TBC1D19: variants seen among roughly 807,000 people sequenced by gnomAD.
TBC1D19 encodes the protein TBC1 domain family member 19.
A neutral mutation model predicts 89.0 loss-of-function variants in TBC1D19; 60 were observed. That is an observed-to-expected ratio of 0.67 (90% CI 0.55 to 0.84). TBC1D19 has a LOEUF of 0.84. Ranked by LOEUF, TBC1D19 falls within the 40% of genes least tolerant of loss-of-function variation. TBC1D19 has a pLI of 0.00. For synonymous variants in TBC1D19, 189 were observed against 199.7 expected (o/e 0.95, Z 0.45); for missense variants, 500 against 610.8 (o/e 0.82, Z 1.91).
chr4:26,661,702 A>T (rs1745230517), intron 8 of TBC1D19, among the ~76,000 whole-genome samples: 1 of 152,216 alleles, frequency 6.6e-6, no homozygotes, highest in African/African-American at 2.4e-5. Context: ...AATAGACGAT[A>T]ACCTGGCCCC....
At chr4:26,816,509 A>G in the TBC1D19 span, among the ~76,000 whole-genome samples, 1 of 152,174 alleles carries the variant, frequency 6.6e-6, no homozygotes, top group Non-Finnish European at 1.5e-5. Context: ...CCAAAGGGGG[A>G]AAATCGTAAA....
At chr4:26,717,237 C>T (rs897922520) in intron 13 of TBC1D19, among the ~76,000 whole-genome samples, 1 of 151,984 alleles carries the variant, frequency 6.6e-6, no homozygotes, top group Non-Finnish European at 1.5e-5. Context: ...TTTTTAGAAT[C>T]CCAGGTCTTC....
chr4:26,788,221 G>A, the TBC1D19 span, among the ~76,000 whole-genome samples: 1 of 152,080 alleles, frequency 6.6e-6, no homozygotes, highest in Non-Finnish European at 1.5e-5. Flanking sequence ...AACCACACAG[G>A]GGGGCTGACA....
chr4:26,830,038 T>C, the TBC1D19 span, among the ~76,000 whole-genome samples: 1 of 152,098 alleles, frequency 6.6e-6, no homozygotes, highest in Non-Finnish European at 1.5e-5. Context: ...AGGGCCTTAG[T>C]GATTTGTCCA....
downstream of TBC1D19, among the ~76,000 whole-genome samples, chr4:26,760,744 A>G (rs538529024): frequency 1.3e-5 from 2 of 152,124 alleles, no homozygotes; most frequent in East Asian, 1.9e-4. Flanking sequence ...CAATTTATCT[A>G]TTTTTTCTTT....
chr4:26,841,281 G>A, the TBC1D19 span, among the ~76,000 whole-genome samples: 1 of 151,992 alleles, frequency 6.6e-6, no homozygotes, highest in African/African-American at 2.4e-5. Context: ...CAGCTACTCG[G>A]GAGGCTGAGC....
intron 13 of TBC1D19, among the ~76,000 whole-genome samples, chr4:26,697,836 A>C (rs1168409432): frequency 1.3e-5 from 2 of 152,204 alleles, no homozygotes; most frequent in Non-Finnish European, 2.9e-5. Context: ...AACTCTCAAT[A>C]AATTAGGTAT....
chr4:26,781,154 C>G, the TBC1D19 span, among the ~76,000 whole-genome samples: 1 of 152,200 alleles, frequency 6.6e-6, no homozygotes, highest in East Asian at 1.9e-4. Flanking sequence ...GAAGCAGAAT[C>G]TCTGGTGCTG....
At chr4:26,770,927 A>G in the TBC1D19 span, among the ~76,000 whole-genome samples, 2 of 152,156 alleles carry the variant, frequency 1.3e-5, no homozygotes, top group Non-Finnish European at 2.9e-5. Flanking sequence ...TGAAAATGGA[A>G]ATAAAACAAC....
intron 16 of TBC1D19, among the ~76,000 whole-genome samples, chr4:26,737,162 A>C (rs1370550904): frequency 6.6e-6 from 1 of 152,150 alleles, no homozygotes; most frequent in Non-Finnish European, 1.5e-5. Context: ...AAACGAGTCA[A>C]AGTACCTAGG....
At chr4:26,833,580 A>G in the TBC1D19 span, among the ~76,000 whole-genome samples, 1 of 152,352 alleles carries the variant, frequency 6.6e-6, no homozygotes, top group South Asian at 2.1e-4. Context: ...TTAAGCAAAG[A>G]GGAGCTTCTT....
At chr4:26,674,002 T>G in intron 11 of TBC1D19, 114 bp downstream of exon 11, 3 of 554,798 alleles carry the variant, frequency 5.4e-6, no homozygotes, top group Non-Finnish European at 9.5e-6. Context: ...TAACCCCCTT[T>G]TTAAATTTTC....
the TBC1D19 span, among the ~76,000 whole-genome samples, chr4:26,815,245 A>G: frequency 2.6e-5 from 4 of 152,222 alleles, no homozygotes; most frequent in Admixed American, 6.5e-5. Context: ...CACCAGAAAT[A>G]TATTTAACTC....
chr4:26,697,441 G>A (rs1251335096), intron 13 of TBC1D19, among the ~76,000 whole-genome samples: 1 of 152,146 alleles, frequency 6.6e-6, no homozygotes, highest in Non-Finnish European at 1.5e-5. Flanking sequence ...GTACAAGGAG[G>A]AGCTGGTACC....
At chr4:26,636,131 G>A (rs761948890) in intron 4 of TBC1D19, among the ~76,000 whole-genome samples, 1 of 151,882 alleles carries the variant, frequency 6.6e-6, no homozygotes, top group Non-Finnish European at 1.5e-5. Context: ...ATTATTAATT[G>A]TTCTTTATGA....
the TBC1D19 span, among the ~76,000 whole-genome samples, chr4:26,842,634 TTC>T: frequency 3.4e-5 from 5 of 146,556 alleles, no homozygotes; most frequent in East Asian, 1.0e-3. Context: ...CTTTCTTTCT[TTC>T]TTTCTTTCTT....
chr4:26,807,122 TC>T, the TBC1D19 span, among the ~76,000 whole-genome samples: 1 of 152,080 alleles, frequency 6.6e-6, no homozygotes, highest in African/African-American at 2.4e-5. Context: ...CCCTGTCCTT[TC>T]CCCTGTAGCA....
At chr4:26,659,926 T>C (rs1248332326) in intron 8 of TBC1D19, among the ~76,000 whole-genome samples, 2 of 152,214 alleles carry the variant, frequency 1.3e-5, no homozygotes, top group African/African-American at 4.8e-5. Context: ...TGCTTTTGCT[T>C]ATTTTGTATT....
the TBC1D19 span, among the ~76,000 whole-genome samples, chr4:26,802,857 A>C: frequency 0.014 from 2,118 of 152,308 alleles, 42 homozygotes; most frequent in African/African-American, 0.048. Context: ...CAGTTCTAAA[A>C]ACTGGAAGTC....
Sources: allele counts gnomAD v4.1 joint callset (sites outside exome capture counted in the v4.1 genomes callset), GRCh38; gene constraint gnomAD v4.1.1; transcripts MANE v1.5; gene names NCBI Gene and HGNC (gene_info 2026-07-23, HGNC 2026-07-21).